Variants in CDC14B observed in about 807,000 individuals in gnomAD.
The protein encoded by CDC14B is cell division cycle 14B, also known as dual specificity protein phosphatase CDC14B.
Under a neutral mutation model 64.2 loss-of-function variants are expected in CDC14B, and 22 were observed. That is an observed-to-expected ratio of 0.34 (90% CI 0.24 to 0.49). The LOEUF (loss-of-function observed/expected upper bound fraction) is 0.49. Ranked by LOEUF, CDC14B falls within the 20% of genes least tolerant of loss-of-function variation. The pLI is 0.99. For missense variants in CDC14B, 498 were observed against 629.9 expected, an observed-to-expected ratio of 0.79 and a Z score of 2.24; for synonymous variants, 191 against 215.8, an observed-to-expected ratio of 0.89 and a Z score of 1.01.
At chr9:96,519,730 T>TA (rs59101582) in intron 12 of CDC14B, among the ~76,000 whole-genome samples, 3,411 of 111,236 alleles carry the variant, frequency 0.031, 66 homozygotes, top group Middle Eastern at 0.053. Flanking sequence ...GACTCTGTCT[T>TA]AAAAAAAAAA....
intron 1 of CDC14B, among the ~76,000 whole-genome samples, chr9:96,573,460 AG>A (rs1337418372): frequency 8.5e-5 from 13 of 152,332 alleles, no homozygotes; most frequent in African/African-American, 1.4e-4. Flanking sequence ...GAAATGTAAT[AG>A]AAAAAAAAAA....
At chr9:96,598,751 G>C (rs149500956) in intron 1 of CDC14B, among the ~76,000 whole-genome samples, 154 of 152,172 alleles carry the variant, frequency 1.0e-3, no homozygotes, top group African/African-American at 3.6e-3. Flanking sequence ...GTGCACTTTT[G>C]GAATGTCACC....
chr9:96,595,719 T>G (rs913272239), intron 1 of CDC14B, among the ~76,000 whole-genome samples: 7 of 152,172 alleles, frequency 4.6e-5, no homozygotes, highest in Non-Finnish European at 8.8e-5. Context: ...AGAACACAAA[T>G]AGTACGATCT....
chr9:96,527,169 G>A (rs1837687304), intron 9 of CDC14B, among the ~76,000 whole-genome samples: 1 of 152,144 alleles, frequency 6.6e-6, no homozygotes, highest in South Asian at 2.1e-4. Context: ...ACTTTGGGAG[G>A]CCGAGGCAGG....
chr9:96,550,317 A>T (rs1841616689), intron 5 of CDC14B, among the ~76,000 whole-genome samples: 1 of 152,190 alleles, frequency 6.6e-6, no homozygotes. Context: ...TCAATCACAG[A>T]TTTTCACAAT....
In CDC14B at chr9:96,503,716, C is replaced by A; in HGVS notation, c.*37G>T. ...CTAATTTCTGTTGCAGTTTTCAGTC[C>A]TAGAGTCTTCCTTCAGCTCTGGTCA... On this transcript the variant is annotated 3_prime_UTR_variant, in exon 14 of 14. Coordinates refer to ENST00000375241, the MANE Select transcript of CDC14B (RefSeq NM_033331.4). 6.3e-7 allele frequency: 1 copy of A among 1,597,138 alleles called. No individual in the cohort carries two copies. Among genetic ancestry groups the A allele is most frequent in the Non-Finnish European group, 8.6e-7 (1 of 1,165,440 alleles).
intron 1 of CDC14B, among the ~76,000 whole-genome samples, chr9:96,599,604 A>G (rs1046819966): frequency 6.6e-6 from 1 of 152,248 alleles, no homozygotes; most frequent in African/African-American, 2.4e-5. Flanking sequence ...GGAAATCCAA[A>G]TAAAATCTGA....
At chr9:96,498,975 A>G (rs1222455603), downstream of CDC14B, among the ~76,000 whole-genome samples, 1 of 152,208 alleles carries the variant, frequency 6.6e-6, no homozygotes, top group African/African-American at 2.4e-5. Flanking sequence ...CCCCAGGAGG[A>G]ACAGACATGC....
At chr9:96,507,170 A>C (rs1834244362) in intron 13 of CDC14B, among the ~76,000 whole-genome samples, 1 of 151,986 alleles carries the variant, frequency 6.6e-6, no homozygotes, top group African/African-American at 2.4e-5. Context: ...GGCACATGCC[A>C]CCCACAAGTA....
Position 96,618,343 on chromosome 9 carries a change from C to T in CDC14B, c.160+876G>A, listed in dbSNP as rs545929887. Among the ~76,000 whole-genome samples the T allele has an allele frequency of 3.1e-4, 47 of 152,370 alleles. No individual in the cohort carries two copies. The South Asian group carries it at 9.5e-3, about 31-fold the overall frequency. Reference sequence around the variant, plus strand: ...ATCGTGGACAGCTCTGCTGTTTACACAGCGTTGCCACATACATCATCACAT... The same window carrying T: ...ATCGTGGACAGCTCTGCTGTTTACATAGCGTTGCCACATACATCATCACAT... On this transcript the variant is annotated intron_variant, in intron 1 of 13. Transcript: ENST00000375241.
chr9:96,587,145 C>T (rs887102249), intron 1 of CDC14B, among the ~76,000 whole-genome samples: 3 of 152,062 alleles, frequency 2.0e-5, no homozygotes, highest in African/African-American at 7.2e-5. Context: ...TGCACTCTAG[C>T]CTAGGCAACA....
In CDC14B at chr9:96,512,322, TTTTC is replaced by T. The variant is rs1442476194; in HGVS notation, c.1344-2537_1344-2534del. 3.3e-5 allele frequency among the ~76,000 whole-genome samples: 5 copies of T among 150,570 alleles called. No homozygotes were observed. In the South Asian group the frequency reaches 1.0e-3, roughly 31 times the overall value. ...AACAAGGAATTGTTTTTAAAATTTT[TTTTC>T]TTTTTTTTTTTTTTTTTAAGAGACA... is the stretch of plus-strand genomic sequence containing the variant. On this transcript the variant is annotated intron_variant, in intron 12 of 13. Coordinates refer to ENST00000375241, the MANE Select transcript of CDC14B (RefSeq NM_033331.4).
downstream of CDC14B, chr9:96,496,368 G>C (rs1322564977): frequency 2.0e-6 from 1 of 509,662 alleles, no homozygotes; most frequent in Non-Finnish European, 3.9e-6. Flanking sequence ...CGCTGGAAAA[G>C]GGAGGAGATG....
chr9:96,564,852 G>A lies in CDC14B; in HGVS notation c.252C>T (p.Asn84=). 1 of 1,589,454 alleles carries A rather than the reference G, an allele frequency of 6.3e-7. No individual in the cohort carries two copies. Among genetic ancestry groups the A allele is most frequent in the African/African-American group, 1.3e-5 (1 of 74,260 alleles). ...FSIDNELEYE[N]FYADFGPLNL... is the part of the protein sequence containing the mutation. ...TGAGTGGTCCAAAATCTGCGTAGAAGCTTTAAAAATGAAAAATAAAAATGT... is the reference window on the plus strand; with the variant it reads ...TGAGTGGTCCAAAATCTGCGTAGAAACTTTAAAAATGAAAAATAAAAATGT... The change falls in exon 3 of 14, where the codon AAC becomes AAT. Residue 84 remains asparagine (N), a splice_region_variant and synonymous_variant. Transcript: ENST00000375241.
At chr9:96,568,929 A>G (rs1239840733) in intron 1 of CDC14B, among the ~76,000 whole-genome samples, 1 of 152,138 alleles carries the variant, frequency 6.6e-6, no homozygotes, top group Non-Finnish European at 1.5e-5. Context: ...AAAGAAAAAA[A>G]AAAAAGAAAA....
In CDC14B at chr9:96,591,621, C is replaced by T. The variant is rs748223221; in HGVS notation, c.161-26138G>A. On this transcript the variant is annotated intron_variant, in intron 1 of 13. Transcript: ENST00000375241. ...TATTTTTCTAAGTCTGCACAAAATG[C>T]CATTAGGATTTTGATAGGGACTGCA... is the stretch of plus-strand genomic sequence containing the variant. 2.0e-4 allele frequency among the ~76,000 whole-genome samples: 31 copies of T among 152,008 alleles called. 2 individuals are homozygous for T. The highest frequency in any genetic ancestry group is 8.8e-5 in the Non-Finnish European group (6 of 68,024).
chr9:96,595,657 T>G (rs1432521950), intron 1 of CDC14B, among the ~76,000 whole-genome samples: 1 of 152,122 alleles, frequency 6.6e-6, no homozygotes, highest in Non-Finnish European at 1.5e-5. Flanking sequence ...ATACATACTA[T>G]AAAATAGGTG....
chr9:96,511,952 CTT>C (rs1209609412), intron 12 of CDC14B, among the ~76,000 whole-genome samples: 1 of 152,066 alleles, frequency 6.6e-6, no homozygotes, highest in African/African-American at 2.4e-5. Flanking sequence ...CCAAACAAGT[CTT>C]TATGCCCAAA....
chr9:96,594,937 G>A (rs1258804006), intron 1 of CDC14B, among the ~76,000 whole-genome samples: 1 of 152,066 alleles, frequency 6.6e-6, no homozygotes, highest in Non-Finnish European at 1.5e-5. Context: ...CGGATCACGA[G>A]GTCAAGAGAC....
Sources: gnomAD v4.1 joint callset for allele counts (sites outside exome capture counted in the v4.1 genomes callset) on GRCh38, gnomAD v4.1.1 for gene constraint, MANE v1.5 for transcripts, NCBI Gene and HGNC (gene_info 2026-07-23, HGNC 2026-07-21) for gene names.